Variants in SUPT3H observed in about 807,000 individuals in gnomAD.
SUPT3H encodes SPT3 homolog, SAGA and STAGA complex component, also known as transcription initiation protein SPT3 homolog.
Under a neutral mutation model 44.3 loss-of-function variants are expected in SUPT3H, and 44 were observed. The ratio of observed to expected loss-of-function variants is 0.99; its 90% CI spans 0.78 to 1.28. The LOEUF (loss-of-function observed/expected upper bound fraction) is 1.28, where lower values mean the gene tolerates loss of function less well. Among genes scored for constraint, SUPT3H ranks in the 50% most tolerant of loss-of-function variants. SUPT3H has a pLI of 0.00. For synonymous variants in SUPT3H, 124 were observed against 125.6 expected, an observed-to-expected ratio of 0.99 and a Z score of 0.09; for missense variants, 380 against 387.1, an observed-to-expected ratio of 0.98 and a Z score of 0.15.
At chr6:45,194,596 T>C (rs1815701045) in intron 2 of SUPT3H, among the ~76,000 whole-genome samples, 1 of 152,172 alleles carries the variant, frequency 6.6e-6, no homozygotes. Context: ...CATAAGCACA[T>C]GCTGCAAAAC....
chr6:45,062,610 T>TGC (rs1792321042), intron 3 of SUPT3H, among the ~76,000 whole-genome samples: 4 of 152,092 alleles, frequency 2.6e-5, no homozygotes, highest in Non-Finnish European at 5.9e-5. Context: ...GCGCGCACCA[T>TGC]GCGCAAGCCG....
rs962131108 is a variant in SUPT3H at position 44,976,213 on chromosome 6, G to C, written c.505-14385C>G. The stretch of plus-strand genomic sequence containing the variant: ...GCCAAGATTTAGTCACTAAGAAAAG[G>C]AGAAAATGATAGTCTTTACCAAGTA... On this transcript the variant is annotated intron_variant, in intron 6 of 10. Transcript: ENST00000371459. Among the ~76,000 whole-genome samples, 3 of 152,048 alleles carry C rather than the reference G, an allele frequency of 2.0e-5. 1 individual carries two copies. The highest frequency in any genetic ancestry group is 4.4e-5 in the Non-Finnish European group (3 of 67,988).
intron 3 of SUPT3H, among the ~76,000 whole-genome samples, chr6:45,060,981 C>A (rs1276953797): frequency 6.6e-6 from 1 of 152,098 alleles, no homozygotes; most frequent in Non-Finnish European, 1.5e-5. Flanking sequence ...AATAGGAACG[C>A]TTTAACACTG....
chr6:45,000,523 A>C (rs1781877325), intron 6 of SUPT3H, among the ~76,000 whole-genome samples: 1 of 152,048 alleles, frequency 6.6e-6, no homozygotes, highest in Non-Finnish European at 1.5e-5. Context: ...ACCATGCCAC[A>C]CTTGGGCACA....
At chr6:45,318,687 C>G (rs1370093536) in intron 2 of SUPT3H, among the ~76,000 whole-genome samples, 1 of 152,012 alleles carries the variant, frequency 6.6e-6, no homozygotes. Flanking sequence ...ATACACCAAC[C>G]AGTTGTATTG....
Position 45,234,136 on chromosome 6 carries a change from T to C in SUPT3H, c.102-128130A>G, listed in dbSNP as rs370264171. Among the ~76,000 whole-genome samples, 67 of 152,350 alleles carry C rather than the reference T, an allele frequency of 4.4e-4. No individual in the cohort carries two copies. The East Asian group carries it at 0.012, about 27-fold the overall frequency. On this transcript the variant is annotated intron_variant, in intron 2 of 10. Coordinates refer to ENST00000371459, the MANE Select transcript of SUPT3H (RefSeq NM_003599.4). ...CCTTTTCCTATGTAAATATTACCTA[T>C]GTATAATTGACTTTCATAAAATATA...
At chr6:45,094,142 T>G (rs1385301288) in intron 3 of SUPT3H, among the ~76,000 whole-genome samples, 1 of 152,048 alleles carries the variant, frequency 6.6e-6, no homozygotes, top group Non-Finnish European at 1.5e-5. Context: ...TCTAAAACAC[T>G]TGGAACCTAA....
At chr6:45,096,900 C>G (rs1797862040) in intron 3 of SUPT3H, among the ~76,000 whole-genome samples, 1 of 152,000 alleles carries the variant, frequency 6.6e-6, no homozygotes, top group South Asian at 2.1e-4. Context: ...TGATATATAT[C>G]TATCAGGAGA....
intron 2 of SUPT3H, among the ~76,000 whole-genome samples, chr6:45,178,625 C>T (rs1312850457): frequency 3.9e-5 from 6 of 152,008 alleles, no homozygotes; most frequent in African/African-American, 9.7e-5. Flanking sequence ...TTTTTCAGCA[C>T]CACACCACAC....
intron 3 of SUPT3H, among the ~76,000 whole-genome samples, chr6:45,022,413 C>A (rs959201645): frequency 1.2e-4 from 5 of 40,714 alleles, no homozygotes; most frequent in Non-Finnish European, 2.1e-4. Context: ...TTTGGAATCA[C>A]TGTTTTTTTT....
chr6:45,249,480 C>T (rs1184197527), intron 2 of SUPT3H, among the ~76,000 whole-genome samples: 1 of 150,774 alleles, frequency 6.6e-6, no homozygotes, highest in South Asian at 2.1e-4. Context: ...GAAGACAGCA[C>T]ACAAAAAATG....
intron 2 of SUPT3H, among the ~76,000 whole-genome samples, chr6:45,147,658 C>A (rs1211327245): frequency 6.6e-6 from 1 of 151,750 alleles, no homozygotes; most frequent in Admixed American, 6.6e-5. Flanking sequence ...TGCCTGGTGT[C>A]ATAGGAAGAG....
intron 2 of SUPT3H, among the ~76,000 whole-genome samples, chr6:45,277,944 C>T (rs954512780): frequency 6.6e-6 from 1 of 152,076 alleles, no homozygotes; most frequent in Non-Finnish European, 1.5e-5. Flanking sequence ...TACTATGCAG[C>T]CATAAAAAAG....
downstream of SUPT3H, among the ~76,000 whole-genome samples, chr6:44,823,827 GTGGCAGGCGC>G (rs1767534813): frequency 6.6e-6 from 1 of 152,194 alleles, no homozygotes; most frequent in Non-Finnish European, 1.5e-5. Flanking sequence ...GCTGGGCGTG[GTGGCAGGCGC>G]CTGTAATCCC....
intron 2 of SUPT3H, among the ~76,000 whole-genome samples, chr6:45,362,170 T>G (rs1794379446): frequency 6.6e-6 from 1 of 152,236 alleles, no homozygotes; most frequent in Non-Finnish European, 1.5e-5. Flanking sequence ...TAGGACAGAT[T>G]GGTTGCCAGT....
intron 2 of SUPT3H, among the ~76,000 whole-genome samples, chr6:45,203,034 G>A (rs143873332): frequency 1.1e-4 from 16 of 152,144 alleles, no homozygotes; most frequent in Admixed American, 2.6e-4. Flanking sequence ...CATAATCAAG[G>A]ATGAGAATAT....
intron 2 of SUPT3H, among the ~76,000 whole-genome samples, chr6:45,275,124 GCTTT>G (rs1438955288): frequency 7.9e-5 from 12 of 152,116 alleles, no homozygotes; most frequent in Non-Finnish European, 1.3e-4. Flanking sequence ...GTAGTGTACA[GCTTT>G]CTTTTCTTGC....
intron 10 of SUPT3H, among the ~76,000 whole-genome samples, chr6:44,902,286 G>C (rs1562004897): frequency 6.6e-6 from 1 of 152,102 alleles, no homozygotes; most frequent in Non-Finnish European, 1.5e-5. Context: ...CCCATCTCAT[G>C]TGCACAGACA....
chr6:44,811,836 G>C (rs1766549669), intron 11 of SUPT3H, among the ~76,000 whole-genome samples: 1 of 151,284 alleles, frequency 6.6e-6, no homozygotes, highest in Non-Finnish European at 1.5e-5. Flanking sequence ...GTTGTTCTTT[G>C]TTTCTCACAT....
Sources: allele counts gnomAD v4.1 joint callset (sites outside exome capture counted in the v4.1 genomes callset), GRCh38; gene constraint gnomAD v4.1.1; transcripts MANE v1.5; gene names NCBI Gene and HGNC (gene_info 2026-07-23, HGNC 2026-07-21).